The following PRKAR2A variants were observed in gnomAD, a reference collection of about 807,000 sequenced individuals.
PRKAR2A encodes protein kinase cAMP-dependent type II regulatory subunit alpha, also known as cAMP-dependent protein kinase type II-alpha regulatory subunit.
A neutral mutation model predicts 51.9 loss-of-function variants in PRKAR2A; 29 were observed. The observed-to-expected ratio is 0.56, with a 90% CI of 0.42 to 0.76. The LOEUF (loss-of-function observed/expected upper bound fraction) is 0.76. PRKAR2A is among the 30% of genes least tolerant of loss of function. PRKAR2A has a pLI of 0.00. For missense variants in PRKAR2A, 445 were observed against 512.1 expected (o/e 0.87, Z 1.26); for synonymous variants, 178 against 186.2 (o/e 0.96, Z 0.36).
At chr3:48,779,977 T>C (rs1233168756) in intron 5 of PRKAR2A, among the ~76,000 whole-genome samples, 1 of 150,782 alleles carries the variant, frequency 6.6e-6, no homozygotes, top group African/African-American at 2.4e-5. Flanking sequence ...AGGGCCAACA[T>C]GGTGAAACCC....
At chr3:48,785,555 C>T (rs1407649765) in intron 4 of PRKAR2A, among the ~76,000 whole-genome samples, 3 of 151,932 alleles carry the variant, frequency 2.0e-5, no homozygotes, top group East Asian at 3.9e-4. Flanking sequence ...CCACCGGGCC[C>T]GGCCTTAATT....
chr3:48,783,459 T>C (rs574242021), intron 4 of PRKAR2A, among the ~76,000 whole-genome samples: 1 of 152,346 alleles, frequency 6.6e-6, no homozygotes, highest in Admixed American at 6.5e-5. Context: ...CTACAGCTGT[T>C]GACCTTAACA....
chr3:48,820,193 T>C (rs2082939702), intron 1 of PRKAR2A, among the ~76,000 whole-genome samples: 1 of 152,216 alleles, frequency 6.6e-6, no homozygotes, highest in Non-Finnish European at 1.5e-5. Context: ...CTTTAGGCAC[T>C]GTGGAGCCAA....
intron 9 of PRKAR2A, among the ~76,000 whole-genome samples, chr3:48,752,596 A>C (rs971660389): frequency 6.6e-6 from 1 of 152,210 alleles, no homozygotes; most frequent in African/African-American, 2.4e-5. Flanking sequence ...TGTCTAAATA[A>C]GGACAATGCT....
intron 1 of PRKAR2A, among the ~76,000 whole-genome samples, chr3:48,812,903 T>C (rs1381980184): frequency 6.6e-6 from 1 of 152,198 alleles, no homozygotes; most frequent in Non-Finnish European, 1.5e-5. Context: ...AACTGTGTTC[T>C]ACAGACAGCA....
intron 8 of PRKAR2A, among the ~76,000 whole-genome samples, chr3:48,764,419 A>C (rs1387854123): frequency 6.6e-6 from 1 of 152,200 alleles, no homozygotes; most frequent in East Asian, 1.9e-4. Context: ...AGGTTCTAAT[A>C]GCAATGGATG....
chr3:48,834,781 G>A (rs568150602), intron 1 of PRKAR2A, among the ~76,000 whole-genome samples: 9 of 149,332 alleles, frequency 6.0e-5, no homozygotes, highest in Admixed American at 1.3e-4. Context: ...GGAAATATTT[G>A]CAAATCACTT....
At chr3:48,800,026 A>C (rs2082560324) in intron 2 of PRKAR2A, among the ~76,000 whole-genome samples, 1 of 151,638 alleles carries the variant, frequency 6.6e-6, no homozygotes, top group South Asian at 2.1e-4. Context: ...CACTCAGTGA[A>C]TTTTTGTATT....
At position 48,750,290 on chromosome 3, in the gene PRKAR2A, G is replaced by C. The variant is rs182117999; in HGVS notation, c.*1295C>G. On this transcript the variant is annotated 3_prime_UTR_variant, in exon 11 of 11. Transcript: ENST00000265563. ...AGGCAGGAGAATCACTTTAATCTGGGAGGCGGAGGTTGCGGTGAGCCAAGA... is the reference window on the plus strand; with the variant it reads ...AGGCAGGAGAATCACTTTAATCTGGCAGGCGGAGGTTGCGGTGAGCCAAGA... 6.6e-6 allele frequency: 1 copy of C among 152,114 alleles called. No individual in the cohort carries two copies. Among genetic ancestry groups the C allele is most frequent in the South Asian group, 2.1e-4 (1 of 4,812 alleles). The allele number at this position is 152,114 out of a possible 1,614,324, so 9.4% of individuals were successfully genotyped here.
chr3:48,754,198 C>A (rs1049987048), intron 9 of PRKAR2A, among the ~76,000 whole-genome samples: 3 of 151,436 alleles, frequency 2.0e-5, no homozygotes, highest in African/African-American at 7.3e-5. Context: ...CCATGCCAGG[C>A]CAAAACTATT....
intron 9 of PRKAR2A, among the ~76,000 whole-genome samples, chr3:48,755,128 C>G (rs1048578421): frequency 1.3e-5 from 2 of 151,166 alleles, no homozygotes; most frequent in African/African-American, 4.9e-5. Context: ...TCCCGAGTAG[C>G]TGGGACTACA....
At position 48,750,973 on chromosome 3, in the gene PRKAR2A, A is replaced by G. The variant is rs562169714; in HGVS notation, c.*612T>C. 5 of 220,672 alleles carry G rather than the reference A, an allele frequency of 2.3e-5. No homozygotes were observed. In the East Asian group the frequency reaches 4.7e-4, roughly 21 times the overall value. The allele number at this position is 220,672 out of a possible 1,614,324, so 13.7% of individuals were successfully genotyped here. On this transcript the variant is annotated 3_prime_UTR_variant, in exon 11 of 11. Coordinates refer to ENST00000265563, the MANE Select transcript of PRKAR2A (RefSeq NM_004157.4). ...GGGTCCTGAGCAGGGTCTTTCCCTA[A>G]GCATCACTGTGGGTTTGGAGACAGC...
intron 4 of PRKAR2A, among the ~76,000 whole-genome samples, chr3:48,783,816 T>C (rs533261404): frequency 6.6e-6 from 1 of 152,246 alleles, no homozygotes; most frequent in African/African-American, 2.4e-5. Flanking sequence ...CCTGACCTCA[T>C]GTAATCCACC....
chr3:48,751,182 C>A lies in PRKAR2A; in HGVS notation c.*403G>T. 2.5e-6 allele frequency: 1 copy of A among 403,292 alleles called. No individual in the cohort carries two copies. The highest frequency in any genetic ancestry group is 4.9e-6 in the Non-Finnish European group (1 of 203,998). 25.0% of individuals were successfully genotyped at this position (403,292 alleles called of 1,614,324 possible). A position where few individuals can be genotyped will look rare whatever the true frequency, so the allele number is the denominator to read the frequency against. On this transcript the variant is annotated 3_prime_UTR_variant, in exon 11 of 11. Transcript: ENST00000265563. Reference sequence around the variant, plus strand: ...TCCTTTGAGAACCATTAGAGAGTGTCTACAGTTATACAACAGGTTTCTGCA... The same window carrying A: ...TCCTTTGAGAACCATTAGAGAGTGTATACAGTTATACAACAGGTTTCTGCA...
intron 5 of PRKAR2A, among the ~76,000 whole-genome samples, chr3:48,776,494 G>T (rs2082107022): frequency 6.6e-6 from 1 of 152,140 alleles, no homozygotes; most frequent in Non-Finnish European, 1.5e-5. Flanking sequence ...TATAATGACA[G>T]AGGCTAGGCA....
At chr3:48,843,503 A>G (rs1338914094) in intron 1 of PRKAR2A, among the ~76,000 whole-genome samples, 2 of 152,132 alleles carry the variant, frequency 1.3e-5, no homozygotes, top group African/African-American at 2.4e-5. Context: ...TTCATATGGA[A>G]CCAAAAAAGA....
At chr3:48,822,134 C>A (rs2082976761) in intron 1 of PRKAR2A, among the ~76,000 whole-genome samples, 1 of 146,838 alleles carries the variant, frequency 6.8e-6, no homozygotes, top group Non-Finnish European at 1.5e-5. Flanking sequence ...TCCCTTGAAC[C>A]AGGGAGGCAG....
At chr3:48,827,436 T>C (rs534415431) in intron 1 of PRKAR2A, among the ~76,000 whole-genome samples, 15 of 152,228 alleles carry the variant, frequency 9.9e-5, no homozygotes, top group Middle Eastern at 6.8e-3. Flanking sequence ...TTTTAAAATA[T>C]TGGATGCCTC....
At chr3:48,819,614 T>A (rs1474337694) in intron 1 of PRKAR2A, among the ~76,000 whole-genome samples, 1 of 152,206 alleles carries the variant, frequency 6.6e-6, no homozygotes, top group African/African-American at 2.4e-5. Context: ...TAATTATGGA[T>A]CCTTAGCAAT....
Sources: allele counts gnomAD v4.1 joint callset (sites outside exome capture counted in the v4.1 genomes callset), GRCh38; gene constraint gnomAD v4.1.1; transcripts MANE v1.5; gene names NCBI Gene and HGNC (gene_info 2026-07-23, HGNC 2026-07-21).